Variants in PPP2R2B observed in about 807,000 individuals in gnomAD.
PPP2R2B encodes the protein protein phosphatase 2 regulatory subunit Bbeta, also known as serine/threonine-protein phosphatase 2A 55 kDa regulatory subunit B beta isoform.
Under a neutral mutation model 46.0 loss-of-function variants are expected in PPP2R2B, and 5 were observed. That is an observed-to-expected ratio of 0.11 (90% CI 0.06 to 0.23). The LOEUF (loss-of-function observed/expected upper bound fraction) is 0.23, where lower values mean the gene tolerates loss of function less well. Among genes scored for constraint, PPP2R2B ranks in the 10% least tolerant of loss-of-function variants. The pLI is 1.00. For synonymous variants in PPP2R2B, 215 were observed against 206.7 expected (o/e 1.04, Z -0.34); for missense variants, 367 against 575.0 (o/e 0.64, Z 3.70).
chr5:146,858,397 G>C (rs2151390034), intron 2 of PPP2R2B, among the ~76,000 whole-genome samples: 1 of 152,280 alleles, frequency 6.6e-6, no homozygotes, highest in South Asian at 2.1e-4. Flanking sequence ...GACTGAACTA[G>C]CCATGTACAA....
intron 2 of PPP2R2B, among the ~76,000 whole-genome samples, chr5:146,831,765 C>G (rs1003728323): frequency 2.0e-5 from 3 of 152,146 alleles, no homozygotes; most frequent in African/African-American, 7.2e-5. Context: ...GGGTGACACT[C>G]CAGCTTGGGT....
chr5:146,692,695 G>A lies in PPP2R2B; in HGVS notation c.335-1455C>T, dbSNP rs140003237. On this transcript the variant is annotated intron_variant, in intron 4 of 9. Transcript: ENST00000394411. Reference sequence around the variant, plus strand: ...ACTACAGGCACCCACCACCACGCCCGGCTAATTTTTTTGTATTTCTAGTAG... The same window carrying A: ...ACTACAGGCACCCACCACCACGCCCAGCTAATTTTTTTGTATTTCTAGTAG... Among the ~76,000 whole-genome samples the A allele has an allele frequency of 4.0e-3, 603 of 151,672 alleles. 4 individuals carry two copies. Among genetic ancestry groups the A allele is most frequent in the African/African-American group, 0.014 (566 of 41,322 alleles).
chr5:146,722,886 A>G (rs1017726600), intron 2 of PPP2R2B, among the ~76,000 whole-genome samples: 26 of 152,100 alleles, frequency 1.7e-4, no homozygotes, highest in African/African-American at 6.3e-4. Context: ...ACTTTCTTTG[A>G]CTTCTCTCTT....
At chr5:146,782,863 CAG>C (rs1056148174) in intron 2 of PPP2R2B, among the ~76,000 whole-genome samples, 3 of 151,228 alleles carry the variant, frequency 2.0e-5, no homozygotes, top group South Asian at 2.1e-4. Context: ...CAGAGAGAAA[CAG>C]AGGGGGAAGG....
Position 146,878,365 on chromosome 5 carries a change from T to G in PPP2R2B, c.-124-170A>C. The G allele has an allele frequency of 7.0e-7, 1 of 1,434,728 alleles. No homozygotes were observed. 88.9% of individuals were successfully genotyped at this position (1,434,728 alleles called of 1,614,324 possible). On this transcript the variant is annotated intron_variant, in intron 1 of 9. Transcript: ENST00000394411. This position sits in a 1 kb window ranked among gnomAD's most constrained non-coding sequence, Gnocchi z 4.5. The stretch of plus-strand genomic sequence containing the variant: ...TGCGCCTGCCTCCGCTGCCTCCGGG[T>G]GCCAAGATACGCCGTGCCCCGAGGG...
chr5:147,029,855 A>G (rs898351935), intron 1 of PPP2R2B, among the ~76,000 whole-genome samples: 2 of 151,712 alleles, frequency 1.3e-5, no homozygotes, highest in Non-Finnish European at 3.0e-5. Flanking sequence ...AGCCTCTGGA[A>G]CTTTAAGAAA....
intron 2 of PPP2R2B, among the ~76,000 whole-genome samples, chr5:146,829,614 T>C (rs160968): frequency 0.34 from 51,936 of 151,964 alleles, 9,515 homozygotes; most frequent in East Asian, 0.63. Flanking sequence ...TGCAGTGGCC[T>C]ATTTCATAGA....
At chr5:147,044,138 GAA>G (rs796144342) in intron 1 of PPP2R2B, among the ~76,000 whole-genome samples, 7 of 152,190 alleles carry the variant, frequency 4.6e-5, no homozygotes, top group African/African-American at 1.7e-4. Flanking sequence ...GAAGGAATTT[GAA>G]ATCTTTAGGC....
intron 8 of PPP2R2B, among the ~76,000 whole-genome samples, chr5:146,597,897 A>G (rs1771348041): frequency 6.6e-6 from 1 of 152,176 alleles, no homozygotes; most frequent in Non-Finnish European, 1.5e-5. Flanking sequence ...TCTACAGCCA[A>G]TTCTGCAATG....
chr5:146,701,253 G>T, intron 2 of PPP2R2B, 111 bp from the exon 3 acceptor site: 1 of 997,612 alleles, frequency 1.0e-6, no homozygotes, highest in Non-Finnish European at 1.6e-6. Context: ...TGTCTCTGCA[G>T]TGGAATTTAC....
chr5:146,685,789 G>A lies in PPP2R2B; in HGVS notation c.447+5339C>T, dbSNP rs1476974990. ...ACAGGAGGACAGAAACAGCCATTGT[G>A]TAAAATATGATGTCATTTGATCTTT... On this transcript the variant is annotated intron_variant, in intron 5 of 9. Coordinates refer to ENST00000394411, the MANE Select transcript of PPP2R2B (RefSeq NM_181675.4). Among the ~76,000 whole-genome samples the A allele has an allele frequency of 2.0e-5, 3 of 152,308 alleles. No individual in the cohort carries two copies. In the East Asian group the frequency reaches 5.8e-4, roughly 29 times the overall value.
At chr5:146,892,760 A>G (rs1284415006) in intron 1 of PPP2R2B, among the ~76,000 whole-genome samples, 1 of 152,232 alleles carries the variant, frequency 6.6e-6, no homozygotes, top group Non-Finnish European at 1.5e-5. Context: ...CCTCTGTTGT[A>G]GGTTTCCAAT....
In PPP2R2B at chr5:146,737,151, G is replaced by A. The variant is rs114236469; in HGVS notation, c.71-36009C>T. On this transcript the variant is annotated intron_variant, in intron 2 of 9. Transcript: ENST00000394411. ...AATTTTGACTAGCCACATTTCAAGG[G>A]TTCAGTAGCTACTGGGGACTTCATA... Among the ~76,000 whole-genome samples the A allele has an allele frequency of 8.3e-3, 1,257 of 152,200 alleles. 19 individuals are homozygous for A. The highest frequency in any genetic ancestry group is 0.029 in the African/African-American group (1,201 of 41,520).
At chr5:146,689,800 G>C (rs1339910108) in intron 5 of PPP2R2B, among the ~76,000 whole-genome samples, 1 of 152,154 alleles carries the variant, frequency 6.6e-6, no homozygotes, top group Non-Finnish European at 1.5e-5. Context: ...TGATAAGGTG[G>C]ACTTACATGG....
chr5:146,595,876 G>A (rs1053372183), intron 8 of PPP2R2B, among the ~76,000 whole-genome samples: 3 of 152,122 alleles, frequency 2.0e-5, no homozygotes, highest in African/African-American at 4.8e-5. Context: ...GATTTTGGAC[G>A]CCAGACTGAG....
intron 2 of PPP2R2B, among the ~76,000 whole-genome samples, chr5:146,708,491 G>A (rs1780027141): frequency 6.6e-6 from 1 of 151,598 alleles, no homozygotes; most frequent in Non-Finnish European, 1.5e-5. Flanking sequence ...CAAATGCATA[G>A]AGATATGTAT....
intron 1 of PPP2R2B, among the ~76,000 whole-genome samples, chr5:146,986,487 T>C (rs751678958): frequency 9.2e-5 from 14 of 152,158 alleles, no homozygotes; most frequent in South Asian, 2.1e-4. Flanking sequence ...AAAATAGCTA[T>C]TTTGAAGATG....
chr5:146,851,035 T>G (rs1303509874), intron 2 of PPP2R2B, among the ~76,000 whole-genome samples: 1 of 152,128 alleles, frequency 6.6e-6, no homozygotes, highest in Non-Finnish European at 1.5e-5. Flanking sequence ...TTTGGTAGTT[T>G]CCAAATAAAC....
intron 1 of PPP2R2B, among the ~76,000 whole-genome samples, chr5:147,025,324 A>C (rs892654473): frequency 7.9e-5 from 12 of 152,044 alleles, no homozygotes; most frequent in African/African-American, 2.4e-4. Flanking sequence ...TGCAATAATA[A>C]ATTCCTTCAA....
Sources: allele counts gnomAD v4.1 joint callset (sites outside exome capture counted in the v4.1 genomes callset), GRCh38; gene constraint gnomAD v4.1.1; non-coding constraint Gnocchi (gnomAD v3.1); transcripts MANE v1.5; gene names NCBI Gene and HGNC (gene_info 2026-07-23, HGNC 2026-07-21).